The following IQCB1 variants were observed in gnomAD, a reference collection of about 807,000 sequenced individuals.
IQCB1 encodes IQ motif containing B1.
IQCB1 carries 56 observed loss-of-function variants against 84.4 expected under a neutral mutation model. That is an observed-to-expected ratio of 0.66 (90% CI 0.54 to 0.83). IQCB1 has a LOEUF of 0.83. Ranked by LOEUF, IQCB1 falls within the 40% of genes least tolerant of loss-of-function variation. The probability of loss-of-function intolerance (pLI) is 0.00; values close to 1 mark genes in which losing one functional copy is unlikely to be tolerated. For synonymous variants in IQCB1, 210 were observed against 234.8 expected, an observed-to-expected ratio of 0.89 and a Z score of 0.96; for missense variants, 629 against 682.1, an observed-to-expected ratio of 0.92 and a Z score of 0.87.
intron 12 of IQCB1, among the ~76,000 whole-genome samples, chr3:121,782,993 T>C (rs1025921658): frequency 1.3e-5 from 2 of 152,164 alleles, no homozygotes; most frequent in African/African-American, 2.4e-5. Flanking sequence ...TAACATTTTA[T>C]TGGAAGACAG....
intron 8 of IQCB1, among the ~76,000 whole-genome samples, chr3:121,797,487 A>AT (rs1304007713): frequency 9.4e-6 from 1 of 106,412 alleles, no homozygotes; most frequent in African/African-American, 3.8e-5. Context: ...AATCTCTTTA[A>AT]TAAAAAAAAA....
intron 7 of IQCB1, among the ~76,000 whole-genome samples, chr3:121,800,935 T>G (rs1949385262): frequency 6.6e-6 from 1 of 151,926 alleles, no homozygotes; most frequent in African/African-American, 2.4e-5. Flanking sequence ...AAATGTCAAG[T>G]CACATATATA....
At chr3:121,777,731 T>G (rs1335580917) in intron 13 of IQCB1, among the ~76,000 whole-genome samples, 2 of 152,214 alleles carry the variant, frequency 1.3e-5, no homozygotes, top group African/African-American at 4.8e-5. Flanking sequence ...GTGTTCCCTT[T>G]TCTCCACATC....
chr3:121,774,278 T>C (rs13061326), intron 13 of IQCB1, among the ~76,000 whole-genome samples: 37,470 of 152,046 alleles, frequency 0.25, 4,959 homozygotes, highest in Non-Finnish European at 0.28. Flanking sequence ...ACAACAAAAA[T>C]AACTAATGTT....
At chr3:121,797,016 C>T in intron 9 of IQCB1, 102 bp downstream of exon 9, 1 of 758,186 alleles carries the variant, frequency 1.3e-6, no homozygotes, top group Non-Finnish European at 2.4e-6. Flanking sequence ...GGGTATTTTG[C>T]TTGAAATCTT....
chr3:121,788,476 C>T (rs371569162), intron 11 of IQCB1, 44 bp from the exon 12 acceptor site: 10 of 1,556,552 alleles, frequency 6.4e-6, no homozygotes, highest in Non-Finnish European at 8.9e-6. Flanking sequence ...CACTGCCATG[C>T]TTTCTTAAGT....
At chr3:121,781,353 T>C (rs912181134) in intron 13 of IQCB1, among the ~76,000 whole-genome samples, 7 of 152,184 alleles carry the variant, frequency 4.6e-5, no homozygotes, top group Non-Finnish European at 8.8e-5. Flanking sequence ...TCTTATTGGC[T>C]TCTGGAGGTA....
intron 7 of IQCB1, among the ~76,000 whole-genome samples, chr3:121,806,471 A>G (rs1446216418): frequency 1.3e-5 from 2 of 152,038 alleles, no homozygotes; most frequent in Non-Finnish European, 2.9e-5. Context: ...TCACCTCCCT[A>G]TATGGAACTT....
chr3:121,825,135 A>G (rs560776895), intron 5 of IQCB1, among the ~76,000 whole-genome samples: 199 of 146,862 alleles, frequency 1.4e-3, no homozygotes, highest in African/African-American at 4.9e-3. Flanking sequence ...ATCTTGGCTC[A>G]CTGCAACCTC....
intron 4 of IQCB1, 28 bp downstream of exon 4, chr3:121,828,442 G>T: frequency 1.3e-6 from 2 of 1,594,210 alleles, no homozygotes; most frequent in South Asian, 1.1e-5. Context: ...CATCCCTCAA[G>T]AACAGCTGAC....
intron 5 of IQCB1, among the ~76,000 whole-genome samples, chr3:121,816,716 C>T (rs1450310576): frequency 6.6e-6 from 1 of 152,090 alleles, no homozygotes; most frequent in Non-Finnish European, 1.5e-5. Context: ...CAATGAGATA[C>T]CCTCTCACTC....
intron 12 of IQCB1, among the ~76,000 whole-genome samples, chr3:121,782,894 T>C (rs1368082329): frequency 6.6e-6 from 1 of 152,180 alleles, no homozygotes; most frequent in African/African-American, 2.4e-5. Flanking sequence ...TTAGCCAGGC[T>C]GTGATCTCTT....
At chr3:121,831,225 G>A (rs1359710210) in intron 2 of IQCB1, among the ~76,000 whole-genome samples, 1 of 139,196 alleles carries the variant, frequency 7.2e-6, no homozygotes, top group Admixed American at 8.0e-5. Flanking sequence ...CAGGCTGGAG[G>A]ACAATGGTAC....
chr3:121,799,084 C>G, intron 8 of IQCB1, 112 bp downstream of exon 8: 1 of 720,848 alleles, frequency 1.4e-6, no homozygotes, highest in Non-Finnish European at 2.4e-6. Flanking sequence ...TGAGTTTTAT[C>G]TACATAGGTC....
At chr3:121,778,071 C>T (rs558915554) in intron 13 of IQCB1, among the ~76,000 whole-genome samples, 3 of 152,138 alleles carry the variant, frequency 2.0e-5, no homozygotes, top group African/African-American at 7.2e-5. Context: ...ACATGCCTGG[C>T]TAATTTTTAA....
At chr3:121,831,702 A>G (rs1950647264) in intron 2 of IQCB1, among the ~76,000 whole-genome samples, 1 of 152,242 alleles carries the variant, frequency 6.6e-6, no homozygotes, top group Non-Finnish European at 1.5e-5. Flanking sequence ...AAAACTCCAC[A>G]CATTTGGTCA....
At chr3:121,802,269 C>G (rs1295632554) in intron 7 of IQCB1, among the ~76,000 whole-genome samples, 1 of 151,962 alleles carries the variant, frequency 6.6e-6, no homozygotes, top group Non-Finnish European at 1.5e-5. Flanking sequence ...CTGGAGTTCT[C>G]TTTGTGGGAA....
intron 5 of IQCB1, among the ~76,000 whole-genome samples, chr3:121,817,947 A>C (rs1445223811): frequency 6.6e-6 from 1 of 152,156 alleles, no homozygotes. Context: ...GCTGTCTGCA[A>C]GCCAGGAAGT....
intron 8 of IQCB1, 115 bp downstream of exon 8, chr3:121,799,081 T>G: frequency 1.4e-6 from 1 of 727,340 alleles, no homozygotes; most frequent in Non-Finnish European, 2.3e-6. Flanking sequence ...TTGTGAGTTT[T>G]ATCTACATAG....
Sources: allele counts gnomAD v4.1 joint callset (sites outside exome capture counted in the v4.1 genomes callset), GRCh38; gene constraint gnomAD v4.1.1; transcripts MANE v1.5; gene names NCBI Gene and HGNC (gene_info 2026-07-23, HGNC 2026-07-21).